Variants in ACTA2 observed in about 807,000 individuals in gnomAD.
ACTA2 encodes actin, aortic smooth muscle.
A neutral mutation model predicts 39.5 loss-of-function variants in ACTA2; 12 were observed. The observed-to-expected ratio is 0.30, with a 90% confidence interval of 0.19 to 0.49. The LOEUF is 0.49. ACTA2 is among the 20% of genes least tolerant of loss of function. The pLI is 0.99. For missense variants in ACTA2, 236 were observed against 498.8 expected (o/e 0.47, Z 5.02); for synonymous variants, 158 against 180.6 (o/e 0.88, Z 1.00).
intron 8 of ACTA2, among the ~76,000 whole-genome samples, chr10:88,935,953 G>A (rs945313693): frequency 2.0e-5 from 3 of 152,038 alleles, no homozygotes; most frequent in African/African-American, 7.2e-5. Flanking sequence ...TAACCTGCAA[G>A]GCATGCTCAT....
intron 1 of ACTA2, among the ~76,000 whole-genome samples, chr10:88,975,529 A>G (rs1846542726): frequency 6.6e-6 from 1 of 152,186 alleles, no homozygotes; most frequent in Admixed American, 6.6e-5. Flanking sequence ...ATGGTACAGG[A>G]AGGGGCATGG....
chr10:88,943,696 G>C (rs756033236), intron 4 of ACTA2, 101 bp downstream of exon 4: 1 of 948,742 alleles, frequency 1.1e-6, no homozygotes, highest in South Asian at 1.3e-5. Context: ...TCTGTTGGTG[G>C]ACTCCTAGCT....
At position 88,941,840 on chromosome 10, in the gene ACTA2, G is replaced by C. The variant is rs781132665; in HGVS notation, c.399C>G (p.Ala133=). ...GCACCGCCTGGATAGCCACATACAT[G>C]GCTGGGACATTGAAAGTCTCAAACA... ...QIMFETFNVP[A]MYVAIQAVLS... is the part of the protein sequence containing the mutation. Residue 133 remains alanine, a synonymous_variant, in exon 5 of 9, where the codon GCC becomes GCG. Coordinates refer to ENST00000224784, the MANE Select transcript of ACTA2 (RefSeq NM_001613.4). 3.1e-6 allele frequency: 5 copies of C among 1,613,116 alleles called. No individual in the cohort carries two copies. The highest frequency in any genetic ancestry group is 4.2e-6 in the Non-Finnish European group (5 of 1,179,596).
chr10:88,975,622 G>A (rs545553870), intron 1 of ACTA2, among the ~76,000 whole-genome samples: 12 of 152,142 alleles, frequency 7.9e-5, no homozygotes, highest in African/African-American at 2.2e-4. Context: ...CCACTGGATC[G>A]TAAGTTCCAT....
upstream of ACTA2, among the ~76,000 whole-genome samples, chr10:88,954,019 A>G (rs562816049): frequency 6.6e-6 from 1 of 152,304 alleles, no homozygotes; most frequent in African/African-American, 2.4e-5. Flanking sequence ...TCAAAGATAT[A>G]AGCCCTCATC....
intron 1 of ACTA2, chr10:88,989,464 A>G (rs747775315): frequency 3.7e-6 from 2 of 541,876 alleles, no homozygotes; most frequent in Non-Finnish European, 7.3e-6. Flanking sequence ...TTTTGTGTCT[A>G]TTAGATGCTC....
Position 88,947,165 on chromosome 10 carries a change from C to T in ACTA2, c.258+93G>A, listed in dbSNP as rs1845966637. The stretch of plus-strand genomic sequence containing the variant: ...AAAAGTACAGTTGAGCAATGTGAGC[C>T]AGTTATTTCCCCAGCAGTAGTGTGG... On this transcript the variant is annotated intron_variant, in intron 3 of 8. Coordinates refer to ENST00000224784, the MANE Select transcript of ACTA2 (RefSeq NM_001613.4). 93 of 1,537,232 alleles carry T rather than the reference C, an allele frequency of 6.0e-5. 1 individual carries two copies. In the South Asian group the frequency reaches 1.0e-3, roughly 17 times the overall value.
At chr10:88,964,232 A>G (rs1431565477) in intron 1 of ACTA2, among the ~76,000 whole-genome samples, 1 of 152,186 alleles carries the variant, frequency 6.6e-6, no homozygotes, top group Non-Finnish European at 1.5e-5. Context: ...CTGCAAAAAA[A>G]GGCAGATGAA....
chr10:88,946,777 T>C (rs970304529), intron 3 of ACTA2: 2 of 152,218 alleles, frequency 1.3e-5, no homozygotes, highest in African/African-American at 4.8e-5. Context: ...AGTTTTAGGG[T>C]ACATGTGCAC....
intron 1 of ACTA2, among the ~76,000 whole-genome samples, chr10:88,964,709 A>G (rs1007143007): frequency 6.6e-6 from 1 of 152,170 alleles, no homozygotes. Flanking sequence ...AGAGAGGCAT[A>G]TTTTGGGGTG....
At chr10:88,988,443 T>TTTTA (rs1554846019) in intron 1 of ACTA2, among the ~76,000 whole-genome samples, 1 of 142,368 alleles carries the variant, frequency 7.0e-6, no homozygotes, top group Non-Finnish European at 1.5e-5. Flanking sequence ...TTTTGTTTTT[T>TTTTA]ATCTTAACTC....
At position 88,958,475 on chromosome 10, in the gene ACTA2, C is replaced by T. The variant is rs550138499; in HGVS notation, c.-23-9522G>A. ...AGATAAGCCAAATAACTTGCATGGC[C>T]CCAGAGCTGGTAAGTGGTAGAGCAG... On this transcript the variant is annotated intron_variant, in intron 1 of 4. Transcript: ENST00000415557. Among the ~76,000 whole-genome samples the T allele has an allele frequency of 2.2e-4, 34 of 152,230 alleles. No homozygotes were observed. In the South Asian group the frequency reaches 2.9e-3, roughly 13 times the overall value.
chr10:88,937,933 G>T (rs1845772965), intron 8 of ACTA2, 128 bp downstream of exon 8: 1 of 1,000,816 alleles, frequency 1.0e-6, no homozygotes, highest in Non-Finnish European at 1.5e-6. Context: ...TGAGATTTGT[G>T]TCCATTACCT....
At chr10:88,959,273 C>T (rs1846189210) in intron 1 of ACTA2, among the ~76,000 whole-genome samples, 1 of 152,108 alleles carries the variant, frequency 6.6e-6, no homozygotes, top group Admixed American at 6.5e-5. Context: ...CTGAAATTGC[C>T]TAAGGGGCTT....
intron 1 of ACTA2, among the ~76,000 whole-genome samples, chr10:88,949,170 A>G (rs1424377494): frequency 6.6e-6 from 1 of 152,210 alleles, no homozygotes. Context: ...TCTGACTTCT[A>G]TGTTGATACA....
At chr10:88,967,175 T>C (rs928943679) in intron 1 of ACTA2, among the ~76,000 whole-genome samples, 5 of 152,116 alleles carry the variant, frequency 3.3e-5, no homozygotes, top group Non-Finnish European at 7.4e-5. Flanking sequence ...TCCAACAAAA[T>C]TGAGACCCTA....
rs180730588 is a variant in ACTA2, at chr10:88,935,081, T to C, written c.*142A>G. The C allele has an allele frequency of 8.2e-7, 1 of 1,215,766 alleles. No homozygotes were observed. The highest frequency in any genetic ancestry group is 1.2e-6 in the Non-Finnish European group (1 of 852,440). The allele number at this position is 1,215,766 out of a possible 1,614,324, so 75.3% of individuals were successfully genotyped here. ...GGAGGCCAACGCAAGAAGTTACCAG[T>C]AGCCTATTTCAGATTTATTAAAAAA... On this transcript the variant is annotated 3_prime_UTR_variant, in exon 9 of 9. Transcript: ENST00000224784.
chr10:88,984,418 C>A (rs539829254), intron 1 of ACTA2, among the ~76,000 whole-genome samples: 6 of 152,118 alleles, frequency 3.9e-5, no homozygotes, highest in Admixed American at 2.6e-4. Context: ...TTACACCCCA[C>A]AGTCATGAAG....
intron 1 of ACTA2, among the ~76,000 whole-genome samples, chr10:88,981,985 T>C (rs1363244392): frequency 6.6e-6 from 1 of 152,196 alleles, no homozygotes; most frequent in Non-Finnish European, 1.5e-5. Flanking sequence ...TCCCTGTAGG[T>C]GTGGGTATGA....
Sources: allele counts gnomAD v4.1 joint callset (sites outside exome capture counted in the v4.1 genomes callset), GRCh38; gene constraint gnomAD v4.1.1; transcripts MANE v1.5; gene names NCBI Gene and HGNC (gene_info 2026-07-23, HGNC 2026-07-21).